SSC4D: variants seen among roughly 807,000 people sequenced by gnomAD.
SSC4D encodes the protein scavenger receptor cysteine rich family member with 4 domains.
A neutral mutation model predicts 63.4 loss-of-function variants in SSC4D; 57 were observed. The ratio of observed to expected loss-of-function variants is 0.90; its 90% CI spans 0.73 to 1.12. The LOEUF (loss-of-function observed/expected upper bound fraction) is 1.12, where lower values mean the gene tolerates loss of function less well. Ranked by LOEUF, SSC4D falls within the 50% of genes most tolerant of loss-of-function variation. SSC4D has a pLI of 0.00. For missense variants in SSC4D, 791 were observed against 806.4 expected (o/e 0.98, Z 0.23); for synonymous variants, 352 against 345.4 (o/e 1.02, Z -0.21).
intron 5 of SSC4D, 121 bp from the exon 6 acceptor site, chr7:76,397,953 C>T (rs1044689714): frequency 9.7e-6 from 10 of 1,030,376 alleles, no homozygotes; most frequent in Non-Finnish European, 1.4e-5. Context: ...CCCCGCTGCC[C>T]AGGGTACCGC....
In SSC4D at chr7:76,389,693, A is replaced by G. The variant is rs561835082; in HGVS notation, c.*366T>C. The stretch of plus-strand genomic sequence containing the variant: ...GGGGAAGAGGAGATACCCCATTTAA[A>G]GAGCCCCTGAGCCTCCTGGATCTAG... On this transcript the variant is annotated 3_prime_UTR_variant, in exon 11 of 11. Coordinates refer to ENST00000275560, the MANE Select transcript of SSC4D (RefSeq NM_080744.2). 4.5e-5 allele frequency: 10 copies of G among 222,728 alleles called. No homozygotes were observed. Among genetic ancestry groups the G allele is most frequent in the Admixed American group, 3.1e-4 (6 of 19,378 alleles). The allele number at this position is 222,728 out of a possible 1,614,324, so 13.8% of individuals were successfully genotyped here.
intron 4 of SSC4D, among the ~76,000 whole-genome samples, chr7:76,399,761 C>T (rs1804754543): frequency 6.6e-6 from 1 of 151,960 alleles, no homozygotes; most frequent in African/African-American, 2.4e-5. Flanking sequence ...TGGGCTCAAG[C>T]AATCTTGCCA....
intron 5 of SSC4D, 74 bp downstream of exon 5, chr7:76,398,646 T>C (rs1804717453): frequency 4.7e-6 from 7 of 1,479,012 alleles, no homozygotes; most frequent in Non-Finnish European, 6.6e-6. Flanking sequence ...ATCCCTGTCT[T>C]CCCACTGCCT....
chr7:76,402,743 C>T (rs1804871765), intron 2 of SSC4D, among the ~76,000 whole-genome samples: 1 of 152,166 alleles, frequency 6.6e-6, no homozygotes, highest in Non-Finnish European at 1.5e-5. Context: ...CATCTTTGCT[C>T]ACCGCAACCT....
rs754721371 is a variant in SSC4D, at chr7:76,400,301, C to T, written c.460G>A (p.Ala154Thr). 1 of 1,496,696 alleles carries T rather than the reference C, an allele frequency of 6.7e-7. No individual in the cohort carries two copies. Among genetic ancestry groups the T allele is most frequent in the South Asian group, 1.4e-5 (1 of 73,992 alleles). 92.7% of individuals were successfully genotyped at this position (1,496,696 alleles called of 1,614,324 possible). The change falls in exon 4 of 11, where the codon GCT (alanine) becomes ACT (threonine). Residue 154 changes from alanine (A) to threonine (T), a missense_variant. Ala to Thr is a moderately conservative substitution (Grantham distance 58, BLOSUM62 0). Coordinates refer to ENST00000275560, the MANE Select transcript of SSC4D (RefSeq NM_080744.2). ...VHNCFHYEDV[A>T]VLCDEFLPTQ... Reference sequence around the variant, plus strand: ...CTCCACTCACCATCACACAGGACAGCCACATCCTCGTAGTGAAAGCAATTG... The same window carrying T: ...CTCCACTCACCATCACACAGGACAGTCACATCCTCGTAGTGAAAGCAATTG...
chr7:76,404,530 G>T, intron 1 of SSC4D, 25 bp from the exon 2 acceptor site: 3 of 1,597,786 alleles, frequency 1.9e-6, no homozygotes, highest in South Asian at 2.2e-5. Context: ...CCCAAATGTT[G>T]CTGGGCCTCC....
chr7:76,397,786 G>A lies in SSC4D; in HGVS notation c.600C>T (p.Gly200=), dbSNP rs1178490337. 7 of 1,607,260 alleles carry A rather than the reference G, an allele frequency of 4.4e-6. No individual in the cohort carries two copies. The Admixed American group carries it at 8.4e-5, about 19-fold the overall frequency. ...RLVGGANLCQ[G]RVEILHSGLW... ...GGCCACTGTGCAGGATCTCCACTCG[G>A]CCCTGACACAGGTTCGCGCCCCCTA... Residue 200 remains glycine (G), a synonymous_variant, in exon 6 of 11, where the codon GGC becomes GGT. Coordinates refer to ENST00000275560, the MANE Select transcript of SSC4D (RefSeq NM_080744.2).
chr7:76,400,588 A>G lies in SSC4D; in HGVS notation c.173T>C (p.Leu58Pro), dbSNP rs1427996895. Residue 58 changes from leucine (L) to proline (P), a missense_variant, in exon 4 of 11, where the codon CTG (leucine) becomes CCG (proline). Physicochemically the swap from Leu to Pro is moderately conservative, Grantham distance 98. Coordinates refer to ENST00000275560, the MANE Select transcript of SSC4D (RefSeq NM_080744.2). Reference sequence around the variant, plus strand: ...GCGGCTGGGGCCCCCCACCAGCCTCAGCTCTGTGAAGAGGGTGGAGCTGGC... The same window carrying G: ...GCGGCTGGGGCCCCCCACCAGCCTCGGCTCTGTGAAGAGGGTGGAGCTGGC... The part of the protein sequence containing the change: ...LQPTPLPFQE[L>P]RLVGGPSRCR... 33 of 1,462,976 alleles carry G rather than the reference A, an allele frequency of 2.3e-5. No individual in the cohort carries two copies. The highest frequency in any genetic ancestry group is 2.9e-5 in the Non-Finnish European group (32 of 1,104,192). The allele number at this position is 1,462,976 out of a possible 1,614,324, so 90.6% of individuals were successfully genotyped here.
chr7:76,399,507 C>T (rs1191289036), intron 4 of SSC4D, among the ~76,000 whole-genome samples: 1 of 151,974 alleles, frequency 6.6e-6, no homozygotes, highest in African/African-American at 2.4e-5. Flanking sequence ...CCACGTGGAG[C>T]GCATGGCCAG....
At chr7:76,400,102 G>T (rs1466072656) in intron 4 of SSC4D, among the ~76,000 whole-genome samples, 184 bp downstream of exon 4, 1 of 152,192 alleles carries the variant, frequency 6.6e-6, no homozygotes, top group East Asian at 1.9e-4. Flanking sequence ...TCAGGGTCAG[G>T]CAATGACCCA....
intron 1 of SSC4D, among the ~76,000 whole-genome samples, chr7:76,407,338 C>CT (rs71882894): frequency 6.7e-4 from 99 of 146,788 alleles, no homozygotes; most frequent in Non-Finnish European, 8.3e-4. Context: ...GGGAGGATCT[C>CT]TTTTTTTTTT....
chr7:76,407,684 G>A (rs1307685399), intron 1 of SSC4D, among the ~76,000 whole-genome samples: 1 of 152,088 alleles, frequency 6.6e-6, no homozygotes, highest in Non-Finnish European at 1.5e-5. Context: ...AGTTAGCCAT[G>A]ATCATGCCAC....
intron 6 of SSC4D, among the ~76,000 whole-genome samples, chr7:76,397,048 G>T (rs569371618): frequency 1.1e-4 from 16 of 152,272 alleles, no homozygotes; most frequent in African/African-American, 3.6e-4. Context: ...TATTGCTATA[G>T]AATTCTCGAG....
In SSC4D at chr7:76,392,061, G is replaced by A. The variant is rs773850995; in HGVS notation, c.1334-20C>T. ...CTGGGCCTGGTTCAGGAAGGACAGA[G>A]ATAAAGAGGTGGCTCTCACAATGGG... On this transcript the variant is annotated intron_variant, in intron 9 of 10. Transcript: ENST00000275560. 3.9e-6 allele frequency: 6 copies of A among 1,558,060 alleles called. No individual in the cohort carries two copies. The highest frequency in any genetic ancestry group is 1.4e-5 in the African/African-American group (1 of 73,548).
At chr7:76,393,969 C>G (rs1337285519) in intron 7 of SSC4D, 65 bp from the exon 8 acceptor site, 1 of 1,497,142 alleles carries the variant, frequency 6.7e-7, no homozygotes, top group East Asian at 2.6e-5. Flanking sequence ...TGCAGCAGGG[C>G]ACGGGGACGC....
intron 2 of SSC4D, among the ~76,000 whole-genome samples, chr7:76,402,182 A>ATTTT (rs57389874): frequency 0.082 from 10,423 of 127,070 alleles, 567 homozygotes; most frequent in South Asian, 0.2. Flanking sequence ...CTGCCCAGCT[A>ATTTT]TTTTTTTTTT....
chr7:76,394,981 G>A (rs1028187402), intron 7 of SSC4D, among the ~76,000 whole-genome samples: 1 of 150,946 alleles, frequency 6.6e-6, no homozygotes, highest in Non-Finnish European at 1.5e-5. Flanking sequence ...GGGATTATAG[G>A]AGTGAGCCAC....
chr7:76,406,233 C>T (rs1805027081), intron 1 of SSC4D, among the ~76,000 whole-genome samples: 1 of 152,174 alleles, frequency 6.6e-6, no homozygotes, highest in African/African-American at 2.4e-5. Flanking sequence ...GCGCCTCAGC[C>T]TCCCAAAGTG....
At chr7:76,393,358 G>C (rs1045494698) in intron 9 of SSC4D, 47 bp downstream of exon 9, 1 of 1,308,752 alleles carries the variant, frequency 7.6e-7, no homozygotes, top group African/African-American at 1.5e-5. Flanking sequence ...CTCCCACGCC[G>C]CAGTGCGCGG....
Sources: gnomAD v4.1 joint callset for allele counts (sites outside exome capture counted in the v4.1 genomes callset) on GRCh38, gnomAD v4.1.1 for gene constraint, MANE v1.5 for transcripts, NCBI Gene and HGNC (gene_info 2026-07-23, HGNC 2026-07-21) for gene names.